Variants in HCN1 observed in about 807,000 individuals in gnomAD.
HCN1 encodes hyperpolarization activated cyclic nucleotide gated potassium channel 1.
HCN1 carries 13 observed loss-of-function variants against 78.9 expected under a neutral mutation model. The observed-to-expected ratio is 0.16, with a 90% CI of 0.11 to 0.26. The LOEUF (loss-of-function observed/expected upper bound fraction) is 0.26, where lower values mean the gene tolerates loss of function less well. Ranked by LOEUF, HCN1 falls within the 10% of genes least tolerant of loss-of-function variation. The pLI, the probability that HCN1 is intolerant of heterozygous loss-of-function variation, is 1.00. For synonymous variants in HCN1, 552 were observed against 455.5 expected, an observed-to-expected ratio of 1.21 and a Z score of -2.70; for missense variants, 810 against 1,154.3, an observed-to-expected ratio of 0.70 and a Z score of 4.32.
intron 2 of HCN1, among the ~76,000 whole-genome samples, chr5:45,511,016 G>A (rs1284303067): frequency 6.6e-6 from 1 of 151,056 alleles, no homozygotes; most frequent in Non-Finnish European, 1.5e-5. Flanking sequence ...TAGGTAATAT[G>A]ATGTAAGCAG....
At chr5:45,413,167 G>A (rs1280892794) in intron 3 of HCN1, among the ~76,000 whole-genome samples, 3 of 151,996 alleles carry the variant, frequency 2.0e-5, no homozygotes, top group Non-Finnish European at 4.4e-5. Context: ...AAGTTTTACA[G>A]AAACTTAGAG....
At chr5:45,642,985 C>T (rs1302515894) in intron 2 of HCN1, 1 of 151,966 alleles carries the variant, frequency 6.6e-6, no homozygotes, top group Non-Finnish European at 1.5e-5. Context: ...CATTTATTAC[C>T]AAGGTCATTT....
At chr5:45,533,789 C>A (rs1460147453) in intron 2 of HCN1, among the ~76,000 whole-genome samples, 1 of 152,106 alleles carries the variant, frequency 6.6e-6, no homozygotes, top group Non-Finnish European at 1.5e-5. Context: ...TCTCACCTCT[C>A]AGGAAAGGGC....
chr5:45,377,789 T>C (rs192337479), intron 4 of HCN1, among the ~76,000 whole-genome samples: 1 of 152,064 alleles, frequency 6.6e-6, no homozygotes, highest in East Asian at 1.9e-4. Context: ...ACAAATTGGG[T>C]TGTAGCTCAA....
chr5:45,629,462 T>A (rs1345715951), intron 2 of HCN1, among the ~76,000 whole-genome samples: 1 of 152,134 alleles, frequency 6.6e-6, no homozygotes, highest in East Asian at 1.9e-4. Flanking sequence ...TGATTCTCCA[T>A]AAATCAGAGT....
intron 3 of HCN1, among the ~76,000 whole-genome samples, chr5:45,457,939 C>A (rs1183660303): frequency 6.6e-6 from 1 of 152,140 alleles, no homozygotes; most frequent in Non-Finnish European, 1.5e-5. Context: ...AGGTTTTCAA[C>A]ACATGAAGTT....
At chr5:45,593,521 T>A (rs1439750512) in intron 2 of HCN1, among the ~76,000 whole-genome samples, 2 of 151,976 alleles carry the variant, frequency 1.3e-5, no homozygotes, top group Non-Finnish European at 2.9e-5. Context: ...AATGGGAATA[T>A]CCACATGTTT....
intron 6 of HCN1, among the ~76,000 whole-genome samples, chr5:45,291,932 A>T (rs554942348): frequency 3.5e-4 from 53 of 152,076 alleles, no homozygotes; most frequent in Non-Finnish European, 6.8e-4. Flanking sequence ...TTATGTATAC[A>T]TTTGTTTATT....
intron 5 of HCN1, among the ~76,000 whole-genome samples, chr5:45,343,225 G>C (rs1746621121): frequency 6.6e-6 from 1 of 152,198 alleles, no homozygotes; most frequent in African/African-American, 2.4e-5. Flanking sequence ...TCAGAGTATA[G>C]AGGGACTGGA....
At chr5:45,673,432 T>C (rs1025517970) in intron 1 of HCN1, among the ~76,000 whole-genome samples, 2 of 151,576 alleles carry the variant, frequency 1.3e-5, no homozygotes, top group East Asian at 1.9e-4. Context: ...CACAAATTAT[T>C]TGAGTCCCCC....
intron 2 of HCN1, among the ~76,000 whole-genome samples, chr5:45,572,979 T>C (rs925477330): frequency 6.6e-6 from 1 of 152,186 alleles, no homozygotes; most frequent in Non-Finnish European, 1.5e-5. Context: ...AAAGGATCTA[T>C]TGAAACATAA....
intron 3 of HCN1, among the ~76,000 whole-genome samples, chr5:45,441,389 G>A (rs1740676601): frequency 7.6e-6 from 1 of 132,018 alleles, no homozygotes; most frequent in Non-Finnish European, 1.6e-5. Flanking sequence ...GCGAGAGAAG[G>A]AAGGAAGGAA....
At chr5:45,497,671 G>A (rs1281634064) in intron 2 of HCN1, among the ~76,000 whole-genome samples, 1 of 152,102 alleles carries the variant, frequency 6.6e-6, no homozygotes, top group East Asian at 1.9e-4. Context: ...GCCAGTCTGT[G>A]TCTTTTAATT....
At chr5:45,512,542 T>C (rs1215263058) in intron 2 of HCN1, among the ~76,000 whole-genome samples, 3 of 152,092 alleles carry the variant, frequency 2.0e-5, no homozygotes, top group African/African-American at 7.2e-5. Flanking sequence ...ATAGATTACA[T>C]AATCTACTTT....
intron 4 of HCN1, among the ~76,000 whole-genome samples, chr5:45,358,304 T>G (rs2111988530): frequency 6.6e-6 from 1 of 152,214 alleles, no homozygotes; most frequent in Admixed American, 6.6e-5. Flanking sequence ...GTAAGCAATC[T>G]AAAGAATTTT....
chr5:45,450,454 C>T (rs1740893830), intron 3 of HCN1, among the ~76,000 whole-genome samples: 1 of 152,070 alleles, frequency 6.6e-6, no homozygotes, highest in South Asian at 2.1e-4. Context: ...TGTCTCTTTC[C>T]TAATTCATAA....
intron 6 of HCN1, among the ~76,000 whole-genome samples, chr5:45,282,744 G>A (rs918842971): frequency 6.6e-6 from 1 of 152,150 alleles, no homozygotes; most frequent in Non-Finnish European, 1.5e-5. Flanking sequence ...ATACCCCGTA[G>A]GACTAACTAG....
chr5:45,494,956 T>G (rs1334410473), intron 2 of HCN1, among the ~76,000 whole-genome samples: 4,140 of 146,918 alleles, frequency 0.028, 195 homozygotes, highest in African/African-American at 0.098. Context: ...TCCATTGATC[T>G]ATATCTCTGT....
At chr5:45,551,704 C>G (rs988458644) in intron 2 of HCN1, among the ~76,000 whole-genome samples, 2 of 151,880 alleles carry the variant, frequency 1.3e-5, no homozygotes, top group African/African-American at 2.4e-5. Context: ...CAACAATTAT[C>G]TTTCTGGTGT....
Sources: gnomAD v4.1 joint callset for allele counts (sites outside exome capture counted in the v4.1 genomes callset) on GRCh38, gnomAD v4.1.1 for gene constraint, MANE v1.5 for transcripts, NCBI Gene and HGNC (gene_info 2026-07-23, HGNC 2026-07-21) for gene names.